PARD3B: variants seen among roughly 807,000 people sequenced by gnomAD.
The protein encoded by PARD3B is partitioning defective 3 homolog B.
Under a neutral mutation model 130.2 loss-of-function variants are expected in PARD3B, and 103 were observed. The observed-to-expected ratio is 0.79, with a 90% CI of 0.67 to 0.93. PARD3B has a LOEUF of 0.93. Among genes scored for constraint, PARD3B ranks in the 40% least tolerant of loss-of-function variants. The pLI is 0.00. For synonymous variants in PARD3B, 583 were observed against 553.2 expected (o/e 1.05, Z -0.76); for missense variants, 1,609 against 1,499.2 (o/e 1.07, Z -1.21).
chr2:205,501,384 T>A (rs1183119973), intron 21 of PARD3B, among the ~76,000 whole-genome samples: 6 of 152,022 alleles, frequency 3.9e-5, no homozygotes, highest in Non-Finnish European at 8.8e-5. Context: ...ACACCTAGAG[T>A]GATGGGAAAA....
At chr2:205,102,572 T>C (rs1702857265) in intron 4 of PARD3B, among the ~76,000 whole-genome samples, 1 of 152,246 alleles carries the variant, frequency 6.6e-6, no homozygotes. Flanking sequence ...AAGTGTTCTT[T>C]AGCCTTATGG....
intron 1 of PARD3B, among the ~76,000 whole-genome samples, chr2:204,592,311 C>T (rs11904034): frequency 6.6e-5 from 10 of 152,168 alleles, no homozygotes; most frequent in South Asian, 4.1e-4. Context: ...ACCTAGTGGA[C>T]GAAAAAGAGC....
At chr2:205,609,133 G>A (rs544669283) in intron 22 of PARD3B, among the ~76,000 whole-genome samples, 1 of 152,058 alleles carries the variant, frequency 6.6e-6, no homozygotes, top group Non-Finnish European at 1.5e-5. Flanking sequence ...TGTAATATAC[G>A]TTGCAGAGGG....
intron 15 of PARD3B, among the ~76,000 whole-genome samples, chr2:205,216,322 G>A (rs1448378562): frequency 6.6e-6 from 1 of 152,146 alleles, no homozygotes; most frequent in Non-Finnish European, 1.5e-5. Context: ...AAACTGCCTA[G>A]CAATGCATTT....
chr2:205,493,294 G>A (rs558160525), intron 20 of PARD3B, among the ~76,000 whole-genome samples: 1 of 152,046 alleles, frequency 6.6e-6, no homozygotes, highest in Non-Finnish European at 1.5e-5. Context: ...ATGATTTTTA[G>A]CTTCTTACAT....
chr2:205,508,634 C>T (rs554664239), intron 21 of PARD3B, among the ~76,000 whole-genome samples: 22 of 151,844 alleles, frequency 1.4e-4, no homozygotes, highest in Non-Finnish European at 2.6e-4. Context: ...TGCTGCCACA[C>T]GATGGGCAAT....
chr2:205,238,850 ATATATATATATAT>A (rs1347596409), intron 15 of PARD3B, among the ~76,000 whole-genome samples: 5 of 65,904 alleles, frequency 7.6e-5, no homozygotes, highest in African/African-American at 3.1e-4. Flanking sequence ...AAAAAAAAAA[ATATATATATATAT>A]ATATATATAT....
chr2:204,587,997 C>T (rs980214588), intron 1 of PARD3B, among the ~76,000 whole-genome samples: 3 of 152,146 alleles, frequency 2.0e-5, no homozygotes, highest in Non-Finnish European at 2.9e-5. Flanking sequence ...TATAAATGAC[C>T]CAGTCTTGGG....
chr2:205,217,887 TATA>T (rs1233754303), intron 15 of PARD3B, among the ~76,000 whole-genome samples: 14 of 103,516 alleles, frequency 1.4e-4, no homozygotes, highest in Admixed American at 2.1e-4. Context: ...TATATATATA[TATA>T]TATATTTTTT....
At chr2:204,558,772 T>C (rs988241580) in intron 1 of PARD3B, among the ~76,000 whole-genome samples, 1 of 152,148 alleles carries the variant, frequency 6.6e-6, no homozygotes, top group East Asian at 1.9e-4. Context: ...GGAGGCATCA[T>C]GCTACCTGAC....
intron 18 of PARD3B, among the ~76,000 whole-genome samples, chr2:205,358,994 C>T (rs1427321435): frequency 6.6e-6 from 1 of 152,086 alleles, no homozygotes. Flanking sequence ...GCTTTAAATT[C>T]GCAAACATTT....
At chr2:204,801,103 G>C (rs1213703074) in intron 2 of PARD3B, among the ~76,000 whole-genome samples, 1 of 152,014 alleles carries the variant, frequency 6.6e-6, no homozygotes, top group Non-Finnish European at 1.5e-5. Flanking sequence ...CATGCTGTTT[G>C]TTTTTGTTAC....
intron 10 of PARD3B, among the ~76,000 whole-genome samples, chr2:205,130,413 G>T (rs550051987): frequency 6.6e-6 from 1 of 152,136 alleles, no homozygotes; most frequent in African/African-American, 2.4e-5. Context: ...AGATAAAGCC[G>T]TATTTCCACT....
At chr2:205,541,321 A>G (rs1223652647) in intron 21 of PARD3B, among the ~76,000 whole-genome samples, 4 of 146,046 alleles carry the variant, frequency 2.7e-5, no homozygotes, top group East Asian at 2.0e-4. Flanking sequence ...TCTCTGTTTG[A>G]GAGTTTTAAT....
intron 19 of PARD3B, among the ~76,000 whole-genome samples, chr2:205,435,276 T>G (rs750390790): frequency 1.3e-5 from 2 of 152,022 alleles, no homozygotes; most frequent in Non-Finnish European, 2.9e-5. Flanking sequence ...TCATCTTCTT[T>G]TTAGTATAGG....
chr2:205,335,934 TA>T (rs2043299051), intron 18 of PARD3B, among the ~76,000 whole-genome samples: 1 of 152,128 alleles, frequency 6.6e-6, no homozygotes, highest in Non-Finnish European at 1.5e-5. Context: ...AGTAAGACTA[TA>T]ATTCAATCAC....
intron 16 of PARD3B, among the ~76,000 whole-genome samples, chr2:205,260,825 CAG>C (rs1368176682): frequency 6.6e-6 from 1 of 151,990 alleles, no homozygotes; most frequent in Non-Finnish European, 1.5e-5. Flanking sequence ...GGAAATGTAT[CAG>C]GGGGATGAGG....
intron 2 of PARD3B, among the ~76,000 whole-genome samples, chr2:204,901,565 A>T (rs573033463): frequency 6.6e-5 from 10 of 151,910 alleles, no homozygotes; most frequent in African/African-American, 2.4e-4. Flanking sequence ...GGAACCCTAG[A>T]ATCTACTTGG....
chr2:205,278,351 T>C (rs927237041), intron 16 of PARD3B, among the ~76,000 whole-genome samples: 1 of 152,070 alleles, frequency 6.6e-6, no homozygotes, highest in African/African-American at 2.4e-5. Flanking sequence ...TTTCAGTGAA[T>C]AGATTTTCAA....
Sources: gnomAD v4.1 joint callset for allele counts (sites outside exome capture counted in the v4.1 genomes callset) on GRCh38, gnomAD v4.1.1 for gene constraint, MANE v1.5 for transcripts, NCBI Gene and HGNC (gene_info 2026-07-23, HGNC 2026-07-21) for gene names.